TEAD1: variants seen among roughly 807,000 people sequenced by gnomAD.
The protein encoded by TEAD1 is TEA domain transcription factor 1.
In TEAD1, 9 loss-of-function variants were observed where a neutral mutation model predicts 54.9. The observed-to-expected ratio is 0.16, with a 90% CI of 0.10 to 0.29. The LOEUF (loss-of-function observed/expected upper bound fraction) is 0.29. Ranked by LOEUF, TEAD1 falls within the 10% of genes least tolerant of loss-of-function variation. The probability of loss-of-function intolerance (pLI) is 1.00; values close to 1 mark genes in which losing one functional copy is unlikely to be tolerated. For synonymous variants in TEAD1, 200 were observed against 187.8 expected, an observed-to-expected ratio of 1.07 and a Z score of -0.53; for missense variants, 387 against 535.9, an observed-to-expected ratio of 0.72 and a Z score of 2.74.
intron 2 of TEAD1, among the ~76,000 whole-genome samples, chr11:12,742,756 C>T (rs1269986958): frequency 6.6e-6 from 1 of 152,202 alleles, no homozygotes; most frequent in Non-Finnish European, 1.5e-5. Context: ...TTGACTCCTA[C>T]TCCTCACATA....
At chr11:12,933,187 A>G (rs1235222544) in intron 12 of TEAD1, among the ~76,000 whole-genome samples, 2 of 152,224 alleles carry the variant, frequency 1.3e-5, no homozygotes, top group Non-Finnish European at 2.9e-5. Context: ...CTTGCAAAAT[A>G]TGACTTCAAC....
intron 3 of TEAD1, among the ~76,000 whole-genome samples, chr11:12,820,978 C>A (rs1946532927): frequency 6.6e-6 from 1 of 152,188 alleles, no homozygotes; most frequent in Admixed American, 6.5e-5. Flanking sequence ...GAAGTGTTTG[C>A]AGCACTTTGG....
intron 2 of TEAD1, among the ~76,000 whole-genome samples, chr11:12,737,837 C>T (rs755659739): frequency 1.2e-4 from 19 of 152,102 alleles, no homozygotes; most frequent in Non-Finnish European, 2.1e-4. Flanking sequence ...TCCATTTTTA[C>T]GCTGCTGATA....
chr11:12,764,479 T>G (rs757953965), intron 3 of TEAD1, 45 bp downstream of exon 3: 216 of 1,600,172 alleles, frequency 1.3e-4, no homozygotes, highest in Non-Finnish European at 1.8e-4. Flanking sequence ...AACCTGCAGT[T>G]GTGGTAGGGG....
In TEAD1 at chr11:12,674,498, GC is replaced by G. The variant is rs1943032390; in HGVS notation, c.-540del. 2.0e-5 allele frequency: 3 copies of G among 150,938 alleles called. No individual in the cohort carries two copies. Among genetic ancestry groups the G allele is most frequent in the Admixed American group, 1.3e-4 (2 of 15,064 alleles). The allele number at this position is 150,938 out of a possible 1,614,324, so 9.3% of individuals were successfully genotyped here. A position where few individuals can be genotyped will look rare whatever the true frequency, so the allele number is the denominator to read the frequency against. On this transcript the variant is annotated 5_prime_UTR_variant, in exon 1 of 13. Coordinates refer to ENST00000527636, the MANE Select transcript of TEAD1 (RefSeq NM_021961.6). ...CCGAGCCTCTGCTGCCGCCGCCGCG[GC>G]CCCGCCGCCCGCCGCGGGCGCCCAC...
chr11:12,873,152 A>G (rs902667049), intron 5 of TEAD1, among the ~76,000 whole-genome samples: 2 of 152,098 alleles, frequency 1.3e-5, no homozygotes, highest in African/African-American at 2.4e-5. Flanking sequence ...AGCCCTCTTC[A>G]TTGTGTCTTT....
intron 10 of TEAD1, among the ~76,000 whole-genome samples, chr11:12,918,828 T>C (rs1037319568): frequency 2.0e-5 from 3 of 152,224 alleles, no homozygotes; most frequent in African/African-American, 7.2e-5. Flanking sequence ...ATGAACTATA[T>C]ACAACAACAT....
At chr11:12,803,218 A>G (rs968323501) in intron 3 of TEAD1, among the ~76,000 whole-genome samples, 3 of 149,158 alleles carry the variant, frequency 2.0e-5, no homozygotes, top group African/African-American at 5.0e-5. Context: ...TTCCCTGTTT[A>G]TAGTACATTT....
intron 2 of TEAD1, among the ~76,000 whole-genome samples, chr11:12,718,124 G>T (rs1318242443): frequency 6.6e-6 from 1 of 152,068 alleles, no homozygotes; most frequent in East Asian, 1.9e-4. Flanking sequence ...TTCAGAGTCC[G>T]CTTATAACCC....
chr11:12,876,321 A>G (rs1039678935), intron 5 of TEAD1, among the ~76,000 whole-genome samples: 2 of 152,196 alleles, frequency 1.3e-5, no homozygotes, highest in Admixed American at 1.3e-4. Context: ...TAATAAGCCT[A>G]GCAAATTTCA....
chr11:12,892,626 A>G (rs1194001448), intron 9 of TEAD1, among the ~76,000 whole-genome samples: 11 of 152,236 alleles, frequency 7.2e-5, no homozygotes, highest in African/African-American at 2.7e-4. Context: ...CCTGGGCAAC[A>G]GAGGAGACTC....
At chr11:12,821,136 T>G (rs1283066892) in intron 3 of TEAD1, among the ~76,000 whole-genome samples, 1 of 152,246 alleles carries the variant, frequency 6.6e-6, no homozygotes, top group African/African-American at 2.4e-5. Context: ...TCTCTGTTGC[T>G]GCCCAGAGCC....
intron 9 of TEAD1, among the ~76,000 whole-genome samples, chr11:12,894,782 A>C (rs16911722): frequency 0.09 from 13,733 of 152,240 alleles, 807 homozygotes; most frequent in South Asian, 0.22. Context: ...TTGATTTCAC[A>C]TTATTTCGTC....
At position 12,813,866 on chromosome 11, in the gene TEAD1, AC is replaced by A. The variant is rs373462986; in HGVS notation, c.203-48382del. On this transcript the variant is annotated intron_variant, in intron 3 of 12. Transcript: ENST00000527636. ...GCTGGGGTGTGTCCTCTCCTCCTACACCTTGAGTCACCAGCCAAGGTGGAGG... is the reference window on the plus strand; with the variant it reads ...GCTGGGGTGTGTCCTCTCCTCCTACACTTGAGTCACCAGCCAAGGTGGAGG... 2.6e-4 allele frequency among the ~76,000 whole-genome samples: 39 copies of A among 152,072 alleles called. No homozygotes were observed. In the East Asian group the frequency reaches 4.1e-3, roughly 16 times the overall value.
intron 6 of TEAD1, 34 bp from the exon 7 acceptor site, chr11:12,880,971 C>G (rs769350547): frequency 6.2e-7 from 1 of 1,613,332 alleles, no homozygotes; most frequent in Non-Finnish European, 8.5e-7. Context: ...GAAGTAAACT[C>G]GTAATTCTGA....
rs1946154437 is a variant in TEAD1, at chr11:12,805,669, G to T, written c.202+41235G>T. Among the ~76,000 whole-genome samples the T allele has an allele frequency of 2.0e-5, 3 of 152,270 alleles. No individual in the cohort carries two copies. In the South Asian group the frequency reaches 6.2e-4, roughly 32 times the overall value. ...TGATCTTTCTGCTTTTGATAGTTAG[G>T]TATCATAGTTTTAAGACAGCCCATG... On this transcript the variant is annotated intron_variant, in intron 3 of 12. Coordinates refer to ENST00000527636, the MANE Select transcript of TEAD1 (RefSeq NM_021961.6).
chr11:12,901,006 A>C (rs35593256), intron 9 of TEAD1, among the ~76,000 whole-genome samples: 10,434 of 152,214 alleles, frequency 0.069, 925 homozygotes, highest in East Asian at 0.45. Context: ...GTGGTCTCAA[A>C]TTTGGCTGTG....
chr11:12,685,425 C>A (rs1304829752), intron 2 of TEAD1, among the ~76,000 whole-genome samples: 5 of 152,196 alleles, frequency 3.3e-5, no homozygotes, highest in Admixed American at 6.5e-5. Flanking sequence ...TGAATCATAT[C>A]TCATAAAGAA....
At chr11:12,816,309 G>T (rs1165194738) in intron 3 of TEAD1, among the ~76,000 whole-genome samples, 2 of 152,186 alleles carry the variant, frequency 1.3e-5, no homozygotes, top group South Asian at 2.1e-4. Flanking sequence ...TCCCCTGTAG[G>T]ATTTTGGAGG....
Sources: allele counts gnomAD v4.1 joint callset (sites outside exome capture counted in the v4.1 genomes callset), GRCh38; gene constraint gnomAD v4.1.1; transcripts MANE v1.5; gene names NCBI Gene and HGNC (gene_info 2026-07-23, HGNC 2026-07-21).